The following NCAM2 variants were observed in gnomAD, a reference collection of about 807,000 sequenced individuals.
NCAM2 encodes the protein N-CAM-2.
In NCAM2, 30 loss-of-function variants were observed where a neutral mutation model predicts 98.1. That is an observed-to-expected ratio of 0.31 (90% CI 0.23 to 0.41). The LOEUF (loss-of-function observed/expected upper bound fraction) is 0.41, where lower values mean the gene tolerates loss of function less well. Ranked by LOEUF, NCAM2 falls within the 10% of genes least tolerant of loss-of-function variation. NCAM2 has a pLI of 1.00. For missense variants in NCAM2, 867 were observed against 1,005.8 expected, an observed-to-expected ratio of 0.86 and a Z score of 1.87; for synonymous variants, 368 against 342.4, an observed-to-expected ratio of 1.07 and a Z score of -0.83.
At chr21:21,232,708 T>C (rs2070677908) in intron 1 of NCAM2, among the ~76,000 whole-genome samples, 1 of 151,720 alleles carries the variant, frequency 6.6e-6, no homozygotes, top group Non-Finnish European at 1.5e-5. Context: ...AGAAAAAGTT[T>C]TCAAAATATT....
intron 16 of NCAM2, among the ~76,000 whole-genome samples, chr21:21,524,580 G>A (rs1411197015): frequency 1.3e-5 from 2 of 151,426 alleles, no homozygotes; most frequent in African/African-American, 4.9e-5. Context: ...AAGAAAAAAA[G>A]TAAGAAAAAA....
intron 1 of NCAM2, among the ~76,000 whole-genome samples, chr21:21,047,289 A>G (rs1054329050): frequency 2.6e-5 from 4 of 152,212 alleles, no homozygotes; most frequent in African/African-American, 7.2e-5. Context: ...AAAAACAACA[A>G]TTATTTGAAA....
intron 8 of NCAM2, 22 bp downstream of exon 8, chr21:21,338,556 A>G (rs771754282): frequency 6.4e-7 from 1 of 1,563,808 alleles, no homozygotes; most frequent in Non-Finnish European, 8.6e-7. Context: ...TCAATATGTA[A>G]TGGTTTCCAT....
chr21:21,439,223 A>T (rs777325123), intron 12 of NCAM2, among the ~76,000 whole-genome samples: 1 of 151,908 alleles, frequency 6.6e-6, no homozygotes, highest in Admixed American at 6.6e-5. Context: ...GGTTCAAGCA[A>T]TTCTCCTGCC....
chr21:21,007,758 C>A (rs1158726784), intron 1 of NCAM2, among the ~76,000 whole-genome samples: 2 of 152,124 alleles, frequency 1.3e-5, no homozygotes, highest in Non-Finnish European at 2.9e-5. Context: ...GGGTTCTCTA[C>A]TGCAGCCTGT....
At chr21:21,020,891 A>G (rs1037230028) in intron 1 of NCAM2, among the ~76,000 whole-genome samples, 3 of 152,166 alleles carry the variant, frequency 2.0e-5, no homozygotes, top group African/African-American at 7.2e-5. Context: ...ACCCTCTGGA[A>G]GGCAGTCATT....
intron 5 of NCAM2, among the ~76,000 whole-genome samples, chr21:21,299,258 C>A (rs1050582929): frequency 1.3e-5 from 2 of 150,766 alleles, no homozygotes; most frequent in Non-Finnish European, 3.0e-5. Flanking sequence ...ATTTTATTCA[C>A]ACTGAAATTC....
intron 1 of NCAM2, among the ~76,000 whole-genome samples, chr21:21,180,217 A>G (rs1404493140): frequency 6.6e-6 from 1 of 152,132 alleles, no homozygotes; most frequent in Non-Finnish European, 1.5e-5. Flanking sequence ...ACAGTGTTAC[A>G]TTTTTCCAAT....
chr21:21,146,329 G>T (rs1201613495), intron 1 of NCAM2, among the ~76,000 whole-genome samples: 1 of 151,190 alleles, frequency 6.6e-6, no homozygotes, highest in Non-Finnish European at 1.5e-5. Context: ...ATTATAAAAT[G>T]TTATAGAGGG....
At chr21:21,476,423 G>A (rs1226612993) in intron 14 of NCAM2, among the ~76,000 whole-genome samples, 1 of 151,856 alleles carries the variant, frequency 6.6e-6, no homozygotes, top group African/African-American at 2.4e-5. Context: ...CCTGACAGAA[G>A]CAGCTGCTAC....
In NCAM2 at chr21:21,354,971, C is replaced by T. The variant is rs141824507; in HGVS notation, c.1044+16437C>T. On this transcript the variant is annotated intron_variant, in intron 8 of 17. Transcript: ENST00000400546. ...CCTTGGTCTTAGCCTAGATCACCTG[C>T]ATAATTTGTAATCAAAATAGTAGTA... 8.5e-5 allele frequency among the ~76,000 whole-genome samples: 13 copies of T among 152,240 alleles called. No individual in the cohort carries two copies. The East Asian group carries it at 2.5e-3, about 29-fold the overall frequency.
At chr21:21,354,009 C>G (rs541176215) in intron 8 of NCAM2, among the ~76,000 whole-genome samples, 2 of 152,030 alleles carry the variant, frequency 1.3e-5, no homozygotes, top group African/African-American at 4.8e-5. Context: ...GTAAAAAGTT[C>G]TACCGAGGGA....
intron 1 of NCAM2, among the ~76,000 whole-genome samples, chr21:21,216,340 G>A (rs1323262210): frequency 1.3e-5 from 2 of 152,176 alleles, no homozygotes; most frequent in South Asian, 2.1e-4. Flanking sequence ...AGCAGATGTA[G>A]GGTACTGCTG....
At chr21:21,053,606 T>C (rs2065155583) in intron 1 of NCAM2, among the ~76,000 whole-genome samples, 2 of 151,166 alleles carry the variant, frequency 1.3e-5, no homozygotes, top group South Asian at 4.1e-4. Context: ...TTTCTACATA[T>C]ATGCATATGC....
intron 1 of NCAM2, among the ~76,000 whole-genome samples, chr21:21,193,649 C>T (rs2146977459): frequency 6.6e-6 from 1 of 152,070 alleles, no homozygotes; most frequent in South Asian, 2.1e-4. Context: ...AGGCGTGTCA[C>T]CATGCTTGGC....
At chr21:21,026,101 G>A (rs1169424639) in intron 1 of NCAM2, among the ~76,000 whole-genome samples, 1 of 152,150 alleles carries the variant, frequency 6.6e-6, no homozygotes, top group African/African-American at 2.4e-5. Context: ...TCAGTGTGAC[G>A]TGGATTTGTT....
intron 1 of NCAM2, among the ~76,000 whole-genome samples, chr21:21,220,988 G>C (rs757494449): frequency 6.6e-6 from 1 of 152,048 alleles, no homozygotes; most frequent in Non-Finnish European, 1.5e-5. Context: ...TTCCAGGAGC[G>C]TGTACTCACC....
intron 1 of NCAM2, among the ~76,000 whole-genome samples, chr21:21,200,807 T>A (rs1230227105): frequency 2.0e-5 from 3 of 148,526 alleles, no homozygotes; most frequent in Admixed American, 6.8e-5. Context: ...TTTGGTTCCA[T>A]CTTTGAGAAA....
At chr21:21,133,433 C>T (rs981695862) in intron 1 of NCAM2, among the ~76,000 whole-genome samples, 1 of 152,204 alleles carries the variant, frequency 6.6e-6, no homozygotes, top group Non-Finnish European at 1.5e-5. Flanking sequence ...CAAACTGACA[C>T]AGTTCACGTC....
Sources: allele counts gnomAD v4.1 joint callset (sites outside exome capture counted in the v4.1 genomes callset), GRCh38; gene constraint gnomAD v4.1.1; transcripts MANE v1.5; gene names NCBI Gene and HGNC (gene_info 2026-07-23, HGNC 2026-07-21).